NOTCH2NLR: variants seen among roughly 807,000 people sequenced by gnomAD.
NOTCH2NLR encodes the protein notch 2 N-terminal like R (pseudogene).
Under a neutral mutation model 35.6 loss-of-function variants are expected in NOTCH2NLR, and 33 were observed. That is an observed-to-expected ratio of 0.93 (90% confidence interval 0.70 to 1.24). The LOEUF (loss-of-function observed/expected upper bound fraction) is 1.24. Ranked by LOEUF, NOTCH2NLR falls within the 50% of genes most tolerant of loss-of-function variation. NOTCH2NLR has a pLI of 0.00. For missense variants in NOTCH2NLR, 276 were observed against 362.2 expected (o/e 0.76, Z 1.93); for synonymous variants, 103 against 141.0 (o/e 0.73, Z 1.91).
In NOTCH2NLR at chr1:120,727,142, ACT is replaced by A. The variant is rs1408369238; in HGVS notation, c.73+2895_73+2896del. 4.3e-3 allele frequency among the ~76,000 whole-genome samples: 463 copies of A among 106,552 alleles called. 88 individuals carry two copies. The highest frequency in any genetic ancestry group is 0.024 in the African/African-American group (432 of 18,030). The allele number at this position is 106,552 out of a possible 152,430, so 69.9% of individuals were successfully genotyped here. ...ACCTCTCCCATTATGGTAGAAAAAAACTCTGTGTCCTGGCTACATCAAAATCT... is the reference window on the plus strand; with the variant it reads ...ACCTCTCCCATTATGGTAGAAAAAAACTGTGTCCTGGCTACATCAAAATCT... On this transcript the variant is annotated intron_variant, in intron 1 of 4. Transcript: ENST00000624419.
Position 120,793,505 on chromosome 1 carries a change from C to G in NOTCH2NLR, c.751+9C>G. The G allele has an allele frequency of 8.3e-6, 10 of 1,206,524 alleles. 2 individuals carry two copies. The highest frequency in any genetic ancestry group is 1.0e-5 in the Non-Finnish European group (9 of 871,418). The allele number at this position is 1,206,524 out of a possible 1,614,324, so 74.7% of individuals were successfully genotyped here. A position where few individuals can be genotyped will look rare whatever the true frequency, so the allele number is the denominator to read the frequency against. On this transcript the variant is annotated intron_variant, in intron 4 of 4. Transcript: ENST00000624419. ...GTGCAACTGCCTTCCAGGTAAGGAG[C>G]TCCCTAGTGTCCCAGGATTAGGGGA...
chr1:120,758,233 G>T (rs1651096443), intron 1 of NOTCH2NLR, among the ~76,000 whole-genome samples: 1 of 121,432 alleles, frequency 8.2e-6, no homozygotes, highest in Non-Finnish European at 1.6e-5. Flanking sequence ...GCCAGCATGG[G>T]AGCCTAGACT....
rs1199939834 is a variant in NOTCH2NLR, at chr1:120,763,104, A to T, written c.74-524A>T. ...CATTTCTCCTTTTTTCTGGATCCTA[A>T]TTTTGTGCCTGGTGCATACTAGGCT... On this transcript the variant is annotated intron_variant, in intron 1 of 4. Transcript: ENST00000624419. 1.3e-4 allele frequency among the ~76,000 whole-genome samples: 8 copies of T among 60,618 alleles called. 3 individuals carry two copies. The highest frequency in any genetic ancestry group is 1.0e-3 in the African/African-American group (6 of 6,014). The allele number at this position is 60,618 out of a possible 152,430, so 39.8% of individuals were successfully genotyped here.
chr1:120,745,138 A>C (rs1312622282), intron 1 of NOTCH2NLR, among the ~76,000 whole-genome samples: 1 of 100,432 alleles, frequency 1.0e-5, no homozygotes, highest in African/African-American at 6.4e-5. Context: ...AAAAAACAAA[A>C]AAAAAACAAA....
chr1:120,765,937 A>C (rs1254489818), intron 2 of NOTCH2NLR, among the ~76,000 whole-genome samples: 1 of 72,152 alleles, frequency 1.4e-5, no homozygotes, highest in Non-Finnish European at 2.4e-5. Context: ...CAATGAGAAC[A>C]CATGGACACA....
At chr1:120,783,584 C>G (rs1236215060) in intron 2 of NOTCH2NLR, among the ~76,000 whole-genome samples, 1 of 82,474 alleles carries the variant, frequency 1.2e-5, no homozygotes, top group East Asian at 2.8e-4. Context: ...AGTGGCAGCA[C>G]ATATTAGGAT....
chr1:120,778,433 C>T (rs1423137015), intron 2 of NOTCH2NLR, among the ~76,000 whole-genome samples: 3 of 111,796 alleles, frequency 2.7e-5, no homozygotes, highest in South Asian at 2.5e-4. Context: ...TCAGTGCCGA[C>T]GCAACCCACA....
At position 120,733,365 on chromosome 1, in the gene NOTCH2NLR, TTTAA is replaced by T. The variant is rs1319557380; in HGVS notation, c.73+9119_73+9122del. ...TTTGGTAAATTGTGTCTTTTACTCA[TTTAA>T]TTATTTTCTTACTGGTTTGAAAAAG... On this transcript the variant is annotated intron_variant, in intron 1 of 4. Transcript: ENST00000624419. Among the ~76,000 whole-genome samples, 2 of 80,144 alleles carry T rather than the reference TTTAA, an allele frequency of 2.5e-5. 1 individual carries two copies. The highest frequency in any genetic ancestry group is 4.3e-5 in the Non-Finnish European group (2 of 46,538). 52.6% of individuals were successfully genotyped at this position (80,144 alleles called of 152,430 possible).
chr1:120,752,519 A>AATATATATATATATATATATAT (rs1204399606), intron 1 of NOTCH2NLR, among the ~76,000 whole-genome samples: 1 of 14,664 alleles, frequency 6.8e-5, no homozygotes, highest in Non-Finnish European at 1.0e-4. Context: ...GAAGTTCAGG[A>AATATATATATATATATATATAT]ATATATATAT....
chr1:120,783,638 G>A lies in NOTCH2NLR; in HGVS notation c.156-1336G>A, dbSNP rs1354248058. On this transcript the variant is annotated intron_variant, in intron 2 of 4. Coordinates refer to ENST00000624419, the Ensembl canonical transcript of NOTCH2NLR. ...AAACTGAACATATGGGACTGGAACA[G>A]TGTATTTTGGAGTCAGTTACAGGAA... 7.5e-5 allele frequency among the ~76,000 whole-genome samples: 8 copies of A among 107,312 alleles called. 1 individual carries two copies. The highest frequency in any genetic ancestry group is 5.2e-5 in the Non-Finnish European group (3 of 57,776). 70.4% of individuals were successfully genotyped at this position (107,312 alleles called of 152,430 possible).
At chr1:120,785,124 G>T in exon 3 of NOTCH2NLR, 1 of 1,446,510 alleles carries the variant, frequency 6.9e-7, no homozygotes, top group East Asian at 2.3e-5. Flanking sequence ...AGGACTGCCA[G>T]TACTCGACAC....
At position 120,724,668 on chromosome 1, in the gene NOTCH2NLR, G is replaced by A. The variant is rs1289108959; in HGVS notation, c.73+418G>A. On this transcript the variant is annotated intron_variant, in intron 1 of 4. Coordinates refer to ENST00000624419, the Ensembl canonical transcript of NOTCH2NLR. ...AATGCCAGATTCTGGCGTGGAGAGCGGGGGCAGGGCCGCCAAGCCAAACGG... is the reference window on the plus strand; with the variant it reads ...AATGCCAGATTCTGGCGTGGAGAGCAGGGGCAGGGCCGCCAAGCCAAACGG... 3.2e-5 allele frequency among the ~76,000 whole-genome samples: 4 copies of A among 124,240 alleles called. 1 individual carries two copies. Among genetic ancestry groups the A allele is most frequent in the South Asian group, 4.8e-4 (2 of 4,160 alleles). 81.5% of individuals were successfully genotyped at this position (124,240 alleles called of 152,430 possible). A position where few individuals can be genotyped will look rare whatever the true frequency, so the allele number is the denominator to read the frequency against.
rs1321211720 is a variant in NOTCH2NLR at position 120,759,755 on chromosome 1, A to T, written c.74-3873A>T. The stretch of plus-strand genomic sequence containing the variant: ...GTATACATTTATAGGGTACAAAGTG[A>T]TGTTATAATTTGCTAATACAATGTA... On this transcript the variant is annotated intron_variant, in intron 1 of 4. Coordinates refer to ENST00000624419, the Ensembl canonical transcript of NOTCH2NLR. Among the ~76,000 whole-genome samples, 2 of 115,192 alleles carry T rather than the reference A, an allele frequency of 1.7e-5. 1 individual carries two copies. Among genetic ancestry groups the T allele is most frequent in the African/African-American group, 1.1e-4 (2 of 18,992 alleles). The allele number at this position is 115,192 out of a possible 152,430, so 75.6% of individuals were successfully genotyped here.
downstream of NOTCH2NLR, chr1:120,793,880 A>C: frequency 2.1e-6 from 1 of 482,622 alleles, no homozygotes; most frequent in East Asian, 3.1e-5. Flanking sequence ...CTGAATTGAC[A>C]TTAACAGTAG....
rs1419462376 is a variant in NOTCH2NLR, at chr1:120,790,698, C to A, written c.416-2463C>A. On this transcript the variant is annotated intron_variant, in intron 3 of 4. Transcript: ENST00000624419. ...CACTGCAACCTCCACCTCTTGGGTTCGAGTGATTCTTGTGCCTCAGCCTCC... is the reference window on the plus strand; with the variant it reads ...CACTGCAACCTCCACCTCTTGGGTTAGAGTGATTCTTGTGCCTCAGCCTCC... Among the ~76,000 whole-genome samples, 5 of 110,770 alleles carry A rather than the reference C, an allele frequency of 4.5e-5. 2 individuals are homozygous for A. Among genetic ancestry groups the A allele is most frequent in the Non-Finnish European group, 8.5e-5 (5 of 59,066 alleles). The allele number at this position is 110,770 out of a possible 152,430, so 72.7% of individuals were successfully genotyped here.
intron 2 of NOTCH2NLR, among the ~76,000 whole-genome samples, chr1:120,782,801 C>A: frequency 9.8e-6 from 1 of 102,452 alleles, no homozygotes; most frequent in Non-Finnish European, 1.8e-5. Context: ...TTTCAGTTAT[C>A]TCGGGTATAT....
At chr1:120,764,182 G>A (rs1368933003) in intron 2 of NOTCH2NLR, among the ~76,000 whole-genome samples, 1 of 114,626 alleles carries the variant, frequency 8.7e-6, no homozygotes, top group Non-Finnish European at 1.7e-5. Flanking sequence ...AGGAGGCGGA[G>A]GTTGCAGTGA....
Position 120,793,842 on chromosome 1 carries a change from G to A in NOTCH2NLR, c.*22G>A, listed in dbSNP as rs1651524276. On this transcript the variant is annotated 3_prime_UTR_variant, in exon 5 of 5. Transcript: ENST00000624419. ...ATGAGAATTAGACACTGGAAAATAT[G>A]TATGTGTGGTTAATAAAGTGCTTTA... 9.1e-6 allele frequency: 6 copies of A among 656,184 alleles called. 1 individual carries two copies. Among genetic ancestry groups the A allele is most frequent in the African/African-American group, 9.3e-5 (2 of 21,532 alleles). The allele number at this position is 656,184 out of a possible 1,614,324, so 40.6% of individuals were successfully genotyped here. A position where few individuals can be genotyped will look rare whatever the true frequency, so the allele number is the denominator to read the frequency against.
chr1:120,793,060 GTCT>G, intron 3 of NOTCH2NLR, 98 bp from the exon 4 acceptor site: 1 of 606,284 alleles, frequency 1.6e-6, no homozygotes, highest in Non-Finnish European at 2.8e-6. Flanking sequence ...AAGAGTTGAG[GTCT>G]TCTCCACGCA....
Sources: allele counts gnomAD v4.1 joint callset (sites outside exome capture counted in the v4.1 genomes callset), GRCh38; gene constraint gnomAD v4.1.1; transcripts MANE v1.5; gene names NCBI Gene and HGNC (gene_info 2026-07-23, HGNC 2026-07-21).